Variants in ABCG1 observed in about 807,000 individuals in gnomAD.
ABCG1 encodes ATP binding cassette subfamily G member 1, also known as ATP-binding cassette sub-family G member 1.
In ABCG1, 29 loss-of-function variants were observed where a neutral mutation model predicts 69.2. The observed-to-expected ratio is 0.42, with a 90% CI of 0.31 to 0.57. The LOEUF is 0.57. Among genes scored for constraint, ABCG1 ranks in the 20% least tolerant of loss-of-function variants. ABCG1 has a pLI of 0.15. For missense variants in ABCG1, 718 were observed against 898.1 expected (o/e 0.80, Z 2.56); for synonymous variants, 370 against 374.8 (o/e 0.99, Z 0.15).
chr21:42,234,452 G>T (rs544147212), intron 2 of ABCG1, among the ~76,000 whole-genome samples: 5 of 152,326 alleles, frequency 3.3e-5, no homozygotes, highest in Admixed American at 3.3e-4. Flanking sequence ...TGCAGGTATG[G>T]GGGCATCTTT....
Position 42,287,904 on chromosome 21 carries a change from C to A in ABCG1, c.989C>A (p.Ser330Tyr). The stretch of plus-strand genomic sequence containing the variant: ...TCTCCTGCAGTCATGGAGGTTGCAT[C>A]CGGCGAGTACGGTGATCAGAACAGT... Reference protein sequence around the residue: ...NPADFVMEVASGEYGDQNSRL... With the variant: ...NPADFVMEVAYGEYGDQNSRL... Residue 330 changes from serine to tyrosine, a missense_variant, in exon 9 of 15, where the codon TCC (serine) becomes TAC (tyrosine). Physicochemically the swap from Ser to Tyr is moderately radical, Grantham distance 144. This residue lies in a region of ABCG1 where 514 missense variants were observed against 574.3 expected (regional missense o/e 0.90). Coordinates refer to ENST00000398449, the MANE Select transcript of ABCG1 (RefSeq NM_016818.3). This position sits in a 1 kb window ranked among gnomAD's most constrained non-coding sequence, Gnocchi z 6.2. 6.3e-7 allele frequency: 1 copy of A among 1,590,636 alleles called. No homozygotes were observed. The highest frequency in any genetic ancestry group is 8.6e-7 in the Non-Finnish European group (1 of 1,165,682).
chr21:42,260,242 A>G (rs2068383812), intron 2 of ABCG1: 1 of 1,525,266 alleles, frequency 6.6e-7, no homozygotes, highest in Admixed American at 2.0e-5. Flanking sequence ...ATTGGGCGGC[A>G]AGCATTTCTA....
chr21:42,219,274 G>T lies in ABCG1; in HGVS notation c.12G>T (p.Leu4=). Residue 4 remains leucine, a synonymous_variant, in exon 1 of 15, where the codon CTG becomes CTT. Coordinates refer to ENST00000398449, the MANE Select transcript of ABCG1 (RefSeq NM_016818.3). The surrounding 1 kb of genome is among the most constrained non-coding windows in gnomAD (Gnocchi z 5.3). Reference sequence around the variant, plus strand: ...GCCGCCCCCGGGGCATGGCCTGTCTGATGGCCGCTTTCTCGGTCGGCACCG... The same window carrying T: ...GCCGCCCCCGGGGCATGGCCTGTCTTATGGCCGCTTTCTCGGTCGGCACCG... The part of the protein sequence containing the change: MAC[L]MAAFSVGTAM... 3 of 1,588,056 alleles carry T rather than the reference G, an allele frequency of 1.9e-6. No individual in the cohort carries two copies. Among genetic ancestry groups the T allele is most frequent in the Non-Finnish European group, 2.6e-6 (3 of 1,172,774 alleles).
chr21:42,233,966 A>G (rs535392083), intron 2 of ABCG1, among the ~76,000 whole-genome samples: 1 of 152,254 alleles, frequency 6.6e-6, no homozygotes, highest in South Asian at 2.1e-4. Flanking sequence ...TTTTGGCAGG[A>G]GTTTTTATGG....
intron 2 of ABCG1, among the ~76,000 whole-genome samples, chr21:42,233,536 G>A (rs892728612): frequency 5.3e-5 from 8 of 152,230 alleles, no homozygotes; most frequent in African/African-American, 1.9e-4. Flanking sequence ...ATGTTCATTT[G>A]TGGATCCAGG....
upstream of ABCG1, among the ~76,000 whole-genome samples, chr21:42,213,327 A>G (rs975686354): frequency 2.0e-5 from 3 of 152,372 alleles, no homozygotes; most frequent in East Asian, 3.9e-4. Flanking sequence ...CAGAGGGCAC[A>G]ATCAATAAAC....
At position 42,292,398 on chromosome 21, in the gene ABCG1, C is replaced by A. The variant is rs1221690704; in HGVS notation, c.1653+742C>A. On this transcript the variant is annotated intron_variant, in intron 13 of 14. Coordinates refer to ENST00000398449, the MANE Select transcript of ABCG1 (RefSeq NM_016818.3). Reference sequence around the variant, plus strand: ...TGCCATGGGACCAAAGATGACACTGCAGGAAGGTGCCAGGCCCATGCCAGG... The same window carrying A: ...TGCCATGGGACCAAAGATGACACTGAAGGAAGGTGCCAGGCCCATGCCAGG... Among the ~76,000 whole-genome samples the A allele has an allele frequency of 2.0e-5, 3 of 152,180 alleles. No individual in the cohort carries two copies. The East Asian group carries it at 5.8e-4, about 29-fold the overall frequency.
At chr21:42,241,126 C>T (rs958477592) in intron 2 of ABCG1, among the ~76,000 whole-genome samples, 3 of 152,254 alleles carry the variant, frequency 2.0e-5, no homozygotes, top group Non-Finnish European at 4.4e-5. Context: ...TTCACAGACA[C>T]GTAGTGAGAG....
Position 42,285,173 on chromosome 21 carries a change from C to T in ABCG1, c.858+490C>T, listed in dbSNP as rs150534043. ...GTTTTCCAGAATTAATAACAGGTTA[C>T]AGCATTTGCACAGTATCATTTGGTT... On this transcript the variant is annotated intron_variant, in intron 7 of 14. Coordinates refer to ENST00000398449, the MANE Select transcript of ABCG1 (RefSeq NM_016818.3). Among the ~76,000 whole-genome samples, 873 of 152,196 alleles carry T rather than the reference C, an allele frequency of 5.7e-3. 4 individuals are homozygous for T. Among genetic ancestry groups the T allele is most frequent in the Non-Finnish European group, 9.4e-3 (639 of 67,998 alleles).
In ABCG1 at chr21:42,273,842, C is replaced by T. The variant is rs919173248; in HGVS notation, c.537+407C>T. Reference sequence around the variant, plus strand: ...GCCCAAGCACCCACTCGCCTGGTGCCTTGGTCAGGATACCAAGGGTCTATT... The same window carrying T: ...GCCCAAGCACCCACTCGCCTGGTGCTTTGGTCAGGATACCAAGGGTCTATT... On this transcript the variant is annotated intron_variant, in intron 4 of 14. Coordinates refer to ENST00000398449, the MANE Select transcript of ABCG1 (RefSeq NM_016818.3). The surrounding 1 kb of genome is among the most constrained non-coding windows in gnomAD (Gnocchi z 5.3). 6.6e-6 allele frequency among the ~76,000 whole-genome samples: 1 copy of T among 152,172 alleles called. No individual in the cohort carries two copies. Among genetic ancestry groups the T allele is most frequent in the Non-Finnish European group, 1.5e-5 (1 of 68,036 alleles).
intron 5 of ABCG1, 38 bp from the exon 6 acceptor site, chr21:42,282,236 C>T (rs769968136): frequency 1.8e-5 from 29 of 1,594,454 alleles, no homozygotes; most frequent in South Asian, 2.3e-5. Flanking sequence ...TGAGCTTTGG[C>T]GGGCAGCTCC....
intron 2 of ABCG1, among the ~76,000 whole-genome samples, chr21:42,267,515 C>T (rs1235561166): frequency 2.0e-5 from 3 of 148,700 alleles, no homozygotes; most frequent in African/African-American, 5.0e-5. Flanking sequence ...GGTCTGAGTT[C>T]TGTCTGGGTC....
At chr21:42,209,327 C>A (rs993389831) in intron 2 of ABCG1, among the ~76,000 whole-genome samples, 1 of 152,174 alleles carries the variant, frequency 6.6e-6, no homozygotes, top group Non-Finnish European at 1.5e-5. Context: ...CCCCACAGGG[C>A]GTTCTGAGGC....
rs1002319088 is a variant in ABCG1, at chr21:42,294,076, G to C, written c.1654-466G>C. Reference sequence around the variant, plus strand: ...AACCCTGAGTCGCGGCGGTTGCTTCGGTCTCTGGGCTGCCCTCCCGGAGGT... The same window carrying C: ...AACCCTGAGTCGCGGCGGTTGCTTCCGTCTCTGGGCTGCCCTCCCGGAGGT... On this transcript the variant is annotated intron_variant, in intron 13 of 14. Coordinates refer to ENST00000398449, the MANE Select transcript of ABCG1 (RefSeq NM_016818.3). 1.3e-5 allele frequency among the ~76,000 whole-genome samples: 2 copies of C among 152,018 alleles called. 1 individual carries two copies. The highest frequency in any genetic ancestry group is 4.2e-4 in the South Asian group (2 of 4,812).
At chr21:42,228,091 A>T (rs1451999821) in intron 2 of ABCG1, among the ~76,000 whole-genome samples, 1 of 152,232 alleles carries the variant, frequency 6.6e-6, no homozygotes, top group Non-Finnish European at 1.5e-5. Flanking sequence ...TAAACTGATC[A>T]CATGAATCAT....
At chr21:42,220,854 G>A (rs924117545) in intron 1 of ABCG1, among the ~76,000 whole-genome samples, 1 of 152,226 alleles carries the variant, frequency 6.6e-6, no homozygotes, top group African/African-American at 2.4e-5. Context: ...GGTAGAGAAA[G>A]TTATAGATCT....
At position 42,276,137 on chromosome 21, in the gene ABCG1, C is replaced by T. The variant is rs536006627; in HGVS notation, c.538-758C>T. On this transcript the variant is annotated intron_variant, in intron 4 of 14. Transcript: ENST00000398449. The surrounding 1 kb of genome is among the most constrained non-coding windows in gnomAD (Gnocchi z 5.3). ...GAGGTTGCACGTTTGCCCAAGGCCACGGGAGGCAGGAGGGTGGAAGCAAGG... is the reference window on the plus strand; with the variant it reads ...GAGGTTGCACGTTTGCCCAAGGCCATGGGAGGCAGGAGGGTGGAAGCAAGG... Among the ~76,000 whole-genome samples the T allele has an allele frequency of 1.8e-3, 277 of 152,218 alleles. No homozygotes were observed. Among genetic ancestry groups the T allele is most frequent in the African/African-American group, 6.4e-3 (267 of 41,518 alleles).
chr21:42,285,922 G>T lies in ABCG1; in HGVS notation c.901G>T (p.Val301Phe). ...SQGQCVYRGK[V>F]CNLVPYLRDL... The stretch of plus-strand genomic sequence containing the variant: ...AGGACAATGTGTGTACCGGGGAAAA[G>T]TCTGCAATCTTGTGCCATATTTGAG... Residue 301 changes from valine (V) to phenylalanine (F), a missense_variant, in exon 8 of 15, where the codon GTC becomes TTC. Transcript: ENST00000398449. The T allele has an allele frequency of 6.2e-7, 1 of 1,614,106 alleles. No homozygotes were observed. The highest frequency in any genetic ancestry group is 8.5e-7 in the Non-Finnish European group (1 of 1,180,012).
intron 14 of ABCG1, chr21:42,295,024 A>G: frequency 4.6e-6 from 1 of 216,412 alleles, no homozygotes; most frequent in Admixed American, 5.2e-5. Flanking sequence ...AAACCTTTAT[A>G]AGAAATCTGG....
Sources: gnomAD v4.1 joint callset for allele counts (sites outside exome capture counted in the v4.1 genomes callset) on GRCh38, gnomAD v4.1.1 for gene constraint, gnomAD v4.1.1 regional missense constraint, Gnocchi (gnomAD v3.1) non-coding constraint, MANE v1.5 for transcripts, NCBI Gene and HGNC (gene_info 2026-07-23, HGNC 2026-07-21) for gene names.